The following TFB2M variants were observed in gnomAD, a reference collection of about 807,000 sequenced individuals.
The protein encoded by TFB2M is dimethyladenosine transferase 2, mitochondrial.
Under a neutral mutation model 41.3 loss-of-function variants are expected in TFB2M, and 44 were observed. That is an observed-to-expected ratio of 1.07 (90% CI 0.84 to 1.37). The LOEUF (loss-of-function observed/expected upper bound fraction) is 1.37, where lower values mean the gene tolerates loss of function less well. Among genes scored for constraint, TFB2M ranks in the 40% most tolerant of loss-of-function variants. TFB2M has a pLI of 0.00. For synonymous variants in TFB2M, 188 were observed against 176.8 expected (o/e 1.06, Z -0.50); for missense variants, 496 against 490.2 (o/e 1.01, Z -0.11).
chr1:246,545,623 G>C (rs969414329), intron 6 of TFB2M, among the ~76,000 whole-genome samples: 7 of 151,858 alleles, frequency 4.6e-5, no homozygotes, highest in African/African-American at 1.7e-4. Context: ...GACTAGCCTG[G>C]ACAACATGGC....
At chr1:246,564,563 G>A in intron 1 of TFB2M, 129 bp from the exon 2 acceptor site, 1 of 711,840 alleles carries the variant, frequency 1.4e-6, no homozygotes, top group Non-Finnish European at 2.4e-6. Flanking sequence ...CAAAGTAGAT[G>A]TCACTCTCCT....
chr1:246,545,200 C>T (rs1402608237), intron 6 of TFB2M, among the ~76,000 whole-genome samples: 1 of 152,164 alleles, frequency 6.6e-6, no homozygotes, highest in African/African-American at 2.4e-5. Context: ...TGATGAGTAA[C>T]CTTGAGGGAG....
At chr1:246,545,633 C>T (rs775201831) in intron 6 of TFB2M, among the ~76,000 whole-genome samples, 1 of 151,652 alleles carries the variant, frequency 6.6e-6, no homozygotes, top group South Asian at 2.1e-4. Context: ...GACAACATGG[C>T]GAAACCCTGT....
chr1:246,548,415 T>A (rs1659081080), intron 6 of TFB2M, 130 bp downstream of exon 6: 7 of 693,254 alleles, frequency 1.0e-5, no homozygotes, highest in Non-Finnish European at 1.4e-5. Context: ...TAGTAAGATA[T>A]GTTTAAAGAA....
At chr1:246,559,693 TAGGTAG>T (rs1178895376) in intron 2 of TFB2M, among the ~76,000 whole-genome samples, 1 of 152,204 alleles carries the variant, frequency 6.6e-6, no homozygotes, top group Non-Finnish European at 1.5e-5. Flanking sequence ...CTATGTGATC[TAGGTAG>T]AGGTGCCAGG....
intron 4 of TFB2M, among the ~76,000 whole-genome samples, chr1:246,552,510 C>G (rs144526975): frequency 2.0e-5 from 3 of 150,432 alleles, no homozygotes; most frequent in African/African-American, 7.3e-5. Context: ...TTCAAGACCA[C>G]CCTGAACAAC....
chr1:246,556,637 C>T lies in TFB2M; in HGVS notation c.641G>A (p.Cys214Tyr), dbSNP rs773911623. 1 of 1,573,426 alleles carries T rather than the reference C, an allele frequency of 6.4e-7. No homozygotes were observed. Among genetic ancestry groups the T allele is most frequent in the Non-Finnish European group, 8.6e-7 (1 of 1,163,984 alleles). The change falls in exon 4 of 8, where the codon TGT becomes TAT. Residue 214 changes from cysteine (C) to tyrosine (Y), a missense_variant. Coordinates refer to ENST00000366514, the MANE Select transcript of TFB2M (RefSeq NM_022366.3). The stretch of plus-strand genomic sequence containing the variant: ...TCGTCCAAATTTATATATAGAAGTA[C>T]AGGAATACAAGTCATATGCGAGTTT... ...LWKLAYDLYS[C>Y]TSIYKFGRIE...
In TFB2M at chr1:246,566,228, G is replaced by A. The variant is rs914338657; in HGVS notation, c.-90C>T. The A allele has an allele frequency of 1.5e-6, 2 of 1,359,666 alleles. No homozygotes were observed. Among genetic ancestry groups the A allele is most frequent in the South Asian group, 1.4e-5 (1 of 71,716 alleles). 84.2% of individuals were successfully genotyped at this position (1,359,666 alleles called of 1,614,324 possible). On this transcript the variant is annotated 5_prime_UTR_variant, in exon 1 of 8. Transcript: ENST00000366514. ...GGGTATCCCACGTGGAACATTTTCT[G>A]GCGTCCGGGCCAGGTCAAGCGGAAG...
intron 6 of TFB2M, among the ~76,000 whole-genome samples, chr1:246,546,475 C>T (rs1401138866): frequency 4.0e-5 from 6 of 151,586 alleles, no homozygotes; most frequent in Non-Finnish European, 8.8e-5. Context: ...ATTAGCCCTG[C>T]GTGGTGGAGC....
Position 246,566,185 on chromosome 1 carries a change from T to G in TFB2M, c.-47A>C, listed in dbSNP as rs781321720. The stretch of plus-strand genomic sequence containing the variant: ...TCCAAGAATCACCTAGTGCAGCTAC[T>G]ACAGTGAACCCCACGCAGGGTATCC... On this transcript the variant is annotated 5_prime_UTR_variant, in exon 1 of 8. An upstream open reading frame in the 5' UTR loses its in-frame stop. Coordinates refer to ENST00000366514, the MANE Select transcript of TFB2M (RefSeq NM_022366.3). 1 of 1,561,570 alleles carries G rather than the reference T, an allele frequency of 6.4e-7. No individual in the cohort carries two copies. Among genetic ancestry groups the G allele is most frequent in the South Asian group, 1.2e-5 (1 of 86,664 alleles).
chr1:246,549,546 C>T (rs567971672), intron 5 of TFB2M, among the ~76,000 whole-genome samples: 1 of 152,126 alleles, frequency 6.6e-6, no homozygotes, highest in Non-Finnish European at 1.5e-5. Context: ...TGTGCTGGTG[C>T]ACTCCAACCT....
chr1:246,546,228 T>G lies in TFB2M; in HGVS notation c.859-1547A>C, dbSNP rs1056505308. 2.6e-5 allele frequency among the ~76,000 whole-genome samples: 4 copies of G among 151,638 alleles called. No individual in the cohort carries two copies. In the East Asian group the frequency reaches 7.8e-4, roughly 30 times the overall value. The stretch of plus-strand genomic sequence containing the variant: ...TGGGAGGTTGAGGTGGGAGGATCAC[T>G]TGAGTCCCGGGAGTTTGAGGCTGCA... On this transcript the variant is annotated intron_variant, in intron 6 of 7. Coordinates refer to ENST00000366514, the MANE Select transcript of TFB2M (RefSeq NM_022366.3).
chr1:246,556,515 G>A, intron 4 of TFB2M, 58 bp downstream of exon 4: 1 of 1,272,562 alleles, frequency 7.9e-7, no homozygotes, highest in Non-Finnish European at 1.1e-6. Flanking sequence ...CAGATTAAGA[G>A]TACTCAGAGA....
At chr1:246,552,269 C>G (rs1032491489) in intron 4 of TFB2M, among the ~76,000 whole-genome samples, 3 of 151,998 alleles carry the variant, frequency 2.0e-5, no homozygotes, top group Non-Finnish European at 4.4e-5. Context: ...ATGGGCAACA[C>G]AGCAAGACAA....
At chr1:246,557,019 A>G (rs899353105) in intron 3 of TFB2M, among the ~76,000 whole-genome samples, 1 of 152,134 alleles carries the variant, frequency 6.6e-6, no homozygotes, top group African/African-American at 2.4e-5. Flanking sequence ...CACATCTGTA[A>G]TCCCAGCACT....
rs1022060180 is a variant in TFB2M, at chr1:246,544,646, A to G, written c.894T>C (p.Leu298=). 1.2e-6 allele frequency: 2 copies of G among 1,605,608 alleles called. No individual in the cohort carries two copies. The highest frequency in any genetic ancestry group is 1.7e-6 in the Non-Finnish European group (2 of 1,178,070). The change falls in exon 7 of 8, where the codon CTT becomes CTC. Residue 298 remains leucine, a synonymous_variant. Coordinates refer to ENST00000366514, the MANE Select transcript of TFB2M (RefSeq NM_022366.3). Reference sequence around the variant, plus strand: ...AATTTTGACGAGGAATCATTTGAATAAGATACAGCTTTTGTTGTAATTGGT... The same window carrying G: ...AATTTTGACGAGGAATCATTTGAATGAGATACAGCTTTTGTTGTAATTGGT... ...LLDQLQQKLY[L]IQMIPRQNLF... is the part of the protein sequence containing the mutation.
chr1:246,548,487 T>A (rs3124131), intron 6 of TFB2M, 58 bp downstream of exon 6: 654,620 of 1,386,796 alleles, frequency 0.47, 128,802 homozygotes, highest in African/African-American at 0.67. Flanking sequence ...CCTAAAAAAA[T>A]AAAATAAAAA....
intron 2 of TFB2M, among the ~76,000 whole-genome samples, chr1:246,563,645 AAGG>A (rs1239395076): frequency 6.6e-6 from 1 of 152,100 alleles, no homozygotes; most frequent in African/African-American, 2.4e-5. Flanking sequence ...GATGTCAAAC[AAGG>A]AGATTGTTCA....
At chr1:246,556,016 C>T (rs1384257598) in intron 4 of TFB2M, among the ~76,000 whole-genome samples, 1 of 152,126 alleles carries the variant, frequency 6.6e-6, no homozygotes, top group African/African-American at 2.4e-5. Flanking sequence ...GTCTCGAACT[C>T]CTGACCTCAA....
Sources: allele counts gnomAD v4.1 joint callset (sites outside exome capture counted in the v4.1 genomes callset), GRCh38; gene constraint gnomAD v4.1.1; transcripts MANE v1.5; gene names NCBI Gene and HGNC (gene_info 2026-07-23, HGNC 2026-07-21).